SLC28A3: variants seen among roughly 807,000 people sequenced by gnomAD.
SLC28A3 encodes solute carrier family 28 member 3.
A neutral mutation model predicts 84.2 loss-of-function variants in SLC28A3; 68 were observed. The observed-to-expected ratio is 0.81, with a 90% CI of 0.66 to 0.99. The LOEUF is 0.99. Ranked by LOEUF, SLC28A3 falls within the 50% of genes least tolerant of loss-of-function variation. The pLI is 0.00. For missense variants in SLC28A3, 712 were observed against 841.5 expected (o/e 0.85, Z 1.90); for synonymous variants, 267 against 303.6 (o/e 0.88, Z 1.25).
In SLC28A3 at chr9:84,283,780, T is replaced by C. The variant is rs146451499; in HGVS notation, c.1647+1565A>G. 1.3e-3 allele frequency among the ~76,000 whole-genome samples: 198 copies of C among 152,348 alleles called. 1 individual carries two copies. In the Middle Eastern group the frequency reaches 0.017, roughly 13 times the overall value. On this transcript the variant is annotated intron_variant, in intron 14 of 17. Coordinates refer to ENST00000376238, the MANE Select transcript of SLC28A3 (RefSeq NM_001199633.2). ...AATTCAGTGGATATCACTGGGGTTT[T>C]GCCTCACGGACCCACATGGTACGTT...
At chr9:84,290,390 T>A (rs1825167428) in intron 10 of SLC28A3, 111 bp from the exon 11 acceptor site, 2 of 1,366,170 alleles carry the variant, frequency 1.5e-6, no homozygotes, top group Non-Finnish European at 2.0e-6. Flanking sequence ...TTTCTAAGAG[T>A]GAACCTCAGA....
intron 1 of SLC28A3, among the ~76,000 whole-genome samples, chr9:84,314,329 T>C (rs767875551): frequency 5.9e-5 from 9 of 152,178 alleles, no homozygotes; most frequent in Non-Finnish European, 1.3e-4. Context: ...ACACTGGACC[T>C]GTCTCCTGTC....
Position 84,286,075 on chromosome 9 carries a change from T to G in SLC28A3, c.1317A>C (p.Gly439=), listed in dbSNP as rs140335341. The G allele has an allele frequency of 1.6e-4, 253 of 1,613,986 alleles. No individual in the cohort carries two copies. In the Middle Eastern group the frequency reaches 2.5e-3, roughly 16 times the overall value. Reference sequence around the variant, plus strand: ...CCACCAGGGAGATGGAGGAGGATGCTCCCTGTGTTGCAGCTTCTAGAAGAT... The same window carrying G: ...CCACCAGGGAGATGGAGGAGGATGCGCCCTGTGTTGCAGCTTCTAGAAGAT... The part of the protein sequence containing the change: ...SGNLLEAATQ[G]ASSSISLVAN... Residue 439 remains glycine, a synonymous_variant, in exon 13 of 18, where the codon GGA becomes GGC. Coordinates refer to ENST00000376238, the MANE Select transcript of SLC28A3 (RefSeq NM_001199633.2).
In SLC28A3 at chr9:84,286,020, G is replaced by C. The variant is rs1265557162; in HGVS notation, c.1372C>G (p.Leu458Val). ...GAATTCATAAAAGACAGCAGGGCCA[G>C]GAAGGCAATCAGATTCACAGCGATG... The part of the protein sequence containing the change: ...ANIAVNLIAF[L>V]ALLSFMNSAL... Residue 458 changes from leucine to valine, a missense_variant, in exon 13 of 18, where the codon CTG (leucine) becomes GTG (valine). Physicochemically the swap from Leu to Val is conservative, Grantham distance 32. Transcript: ENST00000376238. The C allele has an allele frequency of 6.8e-6, 11 of 1,614,138 alleles. No homozygotes were observed. The highest frequency in any genetic ancestry group is 8.5e-6 in the Non-Finnish European group (10 of 1,179,986).
rs142086985 is a variant in SLC28A3 at position 84,305,274 on chromosome 9, A to G, written c.314T>C (p.Ile105Thr). The G allele has an allele frequency of 6.9e-5, 112 of 1,613,362 alleles. 2 individuals are homozygous for G. The African/African-American group carries it at 1.4e-3, about 20-fold the overall frequency. The change falls in exon 4 of 18, where the codon ATC (isoleucine) becomes ACC (threonine). Residue 105 changes from isoleucine (I) to threonine (T), a missense_variant. Ile to Thr is a moderately conservative substitution (Grantham distance 89). Transcript: ENST00000376238. ...RKHKTTLRHI[I>T]WGILLAGYLV... ...TTTACCTGCTAATAAAATGCCCCAG[A>G]TGATGTGCCGAAGAGTTGTTTTGTG... is the stretch of plus-strand genomic sequence containing the variant.
rs1280689129 is a variant in SLC28A3 at position 84,313,413 on chromosome 9, G to A, written c.102C>T (p.Asn34=). The change falls in exon 2 of 18, where the codon AAC becomes AAT. Residue 34 remains asparagine (N), a synonymous_variant. Transcript: ENST00000376238. The part of the protein sequence containing the change: ...NFLENENTSG[N]NSIRSRAVQS... ...GCACAGCTCTGCTTCTTATTGAGTT[G>A]TTTCCTGATGTGTTCTCGTTCTCAA... 122 of 1,614,026 alleles carry A rather than the reference G, an allele frequency of 7.6e-5. No individual in the cohort carries two copies. Among genetic ancestry groups the A allele is most frequent in the Non-Finnish European group, 1.0e-4 (120 of 1,179,972 alleles).
chr9:84,294,720 C>G (rs564113499), intron 8 of SLC28A3, among the ~76,000 whole-genome samples: 66 of 152,264 alleles, frequency 4.3e-4, no homozygotes, highest in African/African-American at 1.6e-3. Flanking sequence ...CATAGTGCCT[C>G]CTACTGGATG....
At chr9:84,288,913 G>T (rs963464101) in intron 11 of SLC28A3, among the ~76,000 whole-genome samples, 6 of 152,108 alleles carry the variant, frequency 3.9e-5, no homozygotes, top group African/African-American at 1.4e-4. Context: ...CATGATTCAT[G>T]TGCAGATGTG....
At chr9:84,347,778 C>G in the SLC28A3 span, among the ~76,000 whole-genome samples, 1 of 152,160 alleles carries the variant, frequency 6.6e-6, no homozygotes, top group East Asian at 1.9e-4. Context: ...AGGAATTTTA[C>G]CCATCTTAGT....
chr9:84,367,668 A>C, the SLC28A3 span, among the ~76,000 whole-genome samples: 4 of 152,316 alleles, frequency 2.6e-5, no homozygotes, highest in East Asian at 5.8e-4. Flanking sequence ...GTGTGGCAGG[A>C]GAACAGAGTG....
intron 1 of SLC28A3, among the ~76,000 whole-genome samples, chr9:84,333,486 G>A (rs527791478): frequency 1.3e-5 from 2 of 152,106 alleles, no homozygotes; most frequent in East Asian, 3.9e-4. Context: ...GAACATCTAA[G>A]GAACTCTTTC....
At chr9:84,352,990 G>A in the SLC28A3 span, among the ~76,000 whole-genome samples, 1 of 151,428 alleles carries the variant, frequency 6.6e-6, no homozygotes, top group South Asian at 2.1e-4. Flanking sequence ...GGATTATTAG[G>A]ATTAAGATTT....
chr9:84,279,445 A>C, intron 16 of SLC28A3, 60 bp from the exon 17 acceptor site: 1 of 1,196,718 alleles, frequency 8.4e-7, no homozygotes, highest in African/African-American at 1.6e-5. Flanking sequence ...ATGTATTTAT[A>C]TATTTATTTA....
intron 15 of SLC28A3, among the ~76,000 whole-genome samples, chr9:84,280,379 A>G (rs148214005): frequency 6.6e-6 from 1 of 152,278 alleles, no homozygotes; most frequent in East Asian, 1.9e-4. Context: ...AAGGCAAAAG[A>G]GTGGCAGGAG....
intron 10 of SLC28A3, among the ~76,000 whole-genome samples, chr9:84,291,270 A>C (rs1825209191): frequency 1.3e-5 from 2 of 152,094 alleles, no homozygotes; most frequent in Non-Finnish European, 2.9e-5. Flanking sequence ...AATAATTTCA[A>C]CTCCTAGGGA....
chr9:84,328,889 A>G (rs747163482), intron 1 of SLC28A3, among the ~76,000 whole-genome samples: 42 of 151,830 alleles, frequency 2.8e-4, no homozygotes, highest in Non-Finnish European at 5.3e-4. Flanking sequence ...GACTGCCCTA[A>G]TACACTCCAG....
chr9:84,351,880 AG>A, the SLC28A3 span, among the ~76,000 whole-genome samples: 5 of 151,340 alleles, frequency 3.3e-5, no homozygotes, highest in African/African-American at 1.2e-4. Context: ...CAAAGGGTTC[AG>A]GAAAAAAAAA....
the SLC28A3 span, among the ~76,000 whole-genome samples, chr9:84,346,562 A>G: frequency 6.5e-4 from 99 of 151,982 alleles, no homozygotes; most frequent in Admixed American, 2.0e-4. Flanking sequence ...AAATCAAATA[A>G]TATTAATGTT....
At chr9:84,345,828 G>A in the SLC28A3 span, among the ~76,000 whole-genome samples, 2 of 152,196 alleles carry the variant, frequency 1.3e-5, no homozygotes, top group African/African-American at 2.4e-5. Flanking sequence ...TTCAGAACCA[G>A]TAAAAATTCT....
Sources: allele counts gnomAD v4.1 joint callset (sites outside exome capture counted in the v4.1 genomes callset), GRCh38; gene constraint gnomAD v4.1.1; transcripts MANE v1.5; gene names NCBI Gene and HGNC (gene_info 2026-07-23, HGNC 2026-07-21).